The following PHACTR1 variants were observed in gnomAD, a reference collection of about 807,000 sequenced individuals.
PHACTR1 encodes phosphatase and actin regulator 1.
A neutral mutation model predicts 69.2 loss-of-function variants in PHACTR1; 16 were observed. That is an observed-to-expected ratio of 0.23 (90% CI 0.16 to 0.35). The LOEUF is 0.35. Among genes scored for constraint, PHACTR1 ranks in the 10% least tolerant of loss-of-function variants. The probability of loss-of-function intolerance (pLI) is 1.00; values close to 1 mark genes in which losing one functional copy is unlikely to be tolerated. For synonymous variants in PHACTR1, 312 were observed against 284.5 expected (o/e 1.10, Z -0.97); for missense variants, 510 against 734.7 (o/e 0.69, Z 3.54).
intron 5 of PHACTR1, among the ~76,000 whole-genome samples, chr6:13,118,184 C>T (rs983153506): frequency 5.3e-5 from 8 of 152,202 alleles, no homozygotes; most frequent in Admixed American, 1.3e-4. Context: ...CTTCCTCCAC[C>T]GTTCCTGCCA....
intron 10 of PHACTR1, among the ~76,000 whole-genome samples, chr6:13,253,798 T>C (rs915494611): frequency 6.6e-6 from 1 of 152,228 alleles, no homozygotes; most frequent in Non-Finnish European, 1.5e-5. Context: ...GACGTGGACA[T>C]CTGTGCCTCC....
At chr6:13,149,100 A>T (rs909642061) in intron 5 of PHACTR1, among the ~76,000 whole-genome samples, 3 of 146,062 alleles carry the variant, frequency 2.1e-5, no homozygotes, top group African/African-American at 7.5e-5. Flanking sequence ...TTGATGAAAG[A>T]GCACGGCCCC....
chr6:13,009,929 G>A (rs1799251913), intron 4 of PHACTR1, among the ~76,000 whole-genome samples: 1 of 149,172 alleles, frequency 6.7e-6, no homozygotes, highest in African/African-American at 2.5e-5. Context: ...CTTTCTCAGG[G>A]GACTCCTCCT....
chr6:13,111,037 A>G (rs958660831), intron 5 of PHACTR1, among the ~76,000 whole-genome samples: 1 of 152,144 alleles, frequency 6.6e-6, no homozygotes, highest in Non-Finnish European at 1.5e-5. Context: ...ATATACCACA[A>G]TTTACATAAG....
intron 5 of PHACTR1, among the ~76,000 whole-genome samples, chr6:13,134,261 C>T (rs927927483): frequency 6.6e-6 from 1 of 152,160 alleles, no homozygotes; most frequent in Non-Finnish European, 1.5e-5. Flanking sequence ...TGGGGGGCGC[C>T]TCTGCCCGGC....
chr6:13,059,355 A>ATAAG (rs1276224841), intron 5 of PHACTR1, among the ~76,000 whole-genome samples: 4 of 152,150 alleles, frequency 2.6e-5, no homozygotes, highest in African/African-American at 9.7e-5. Context: ...TGCAAGATGA[A>ATAAG]TAAGTTCTAG....
chr6:13,031,644 G>A (rs1225934460), intron 4 of PHACTR1, among the ~76,000 whole-genome samples: 1 of 152,156 alleles, frequency 6.6e-6, no homozygotes, highest in Non-Finnish European at 1.5e-5. Context: ...TGTTCTACCT[G>A]TCTAGCAGGA....
At chr6:13,077,751 C>T (rs1810754850) in intron 5 of PHACTR1, among the ~76,000 whole-genome samples, 1 of 152,002 alleles carries the variant, frequency 6.6e-6, no homozygotes, top group Admixed American at 6.6e-5. Context: ...TCGTAGCAGT[C>T]TAGGCAAGAG....
intron 5 of PHACTR1, among the ~76,000 whole-genome samples, chr6:13,092,765 A>G (rs1222096068): frequency 6.6e-6 from 1 of 152,224 alleles, no homozygotes; most frequent in South Asian, 2.1e-4. Flanking sequence ...GGAGTAAAAA[A>G]GCAGAAGGGA....
chr6:12,717,748 G>C lies in PHACTR1; in HGVS notation c.-47+5G>C, dbSNP rs1761571651. ...CTTTGATTTTTATTTTTTGCAGTAA[G>C]TATATTTGCTATTGGGGTACCTTTG... On this transcript the variant is annotated splice_donor_5th_base_variant and intron_variant, in intron 2 of 14. Coordinates refer to ENST00000332995, the MANE Select transcript of PHACTR1 (RefSeq NM_030948.6). The C allele has an allele frequency of 6.6e-6, 1 of 152,128 alleles. No homozygotes were observed. Among genetic ancestry groups the C allele is most frequent in the Non-Finnish European group, 1.5e-5 (1 of 68,038 alleles). 9.4% of individuals were successfully genotyped at this position (152,128 alleles called of 1,614,324 possible). A position where few individuals can be genotyped will look rare whatever the true frequency, so the allele number is the denominator to read the frequency against.
At chr6:12,886,280 G>GA (rs1783630370) in intron 4 of PHACTR1, among the ~76,000 whole-genome samples, 1 of 147,988 alleles carries the variant, frequency 6.8e-6, no homozygotes, top group Non-Finnish European at 1.5e-5. Context: ...GGCAACTTAA[G>GA]AAAAAACATT....
chr6:12,934,053 G>T (rs1789178221), intron 4 of PHACTR1: 3 of 1,387,778 alleles, frequency 2.2e-6, no homozygotes, highest in Admixed American at 5.4e-5. Context: ...CCAAATCAAG[G>T]TGTTGGTGGG....
rs546930380 is a variant in PHACTR1 at position 13,007,194 on chromosome 6, A to T, written c.251-46171A>T. Among the ~76,000 whole-genome samples the T allele has an allele frequency of 2.6e-5, 4 of 152,134 alleles. No homozygotes were observed. The South Asian group carries it at 6.2e-4, about 24-fold the overall frequency. ...TATTGCTTGACTTCCCAGCTGCTTT[A>T]TTTTATTTTATTGTAATGTAAACAC... On this transcript the variant is annotated intron_variant, in intron 4 of 14. Transcript: ENST00000332995.
At chr6:13,085,986 A>G (rs1271980943) in intron 5 of PHACTR1, among the ~76,000 whole-genome samples, 1 of 151,356 alleles carries the variant, frequency 6.6e-6, no homozygotes, top group African/African-American at 2.4e-5. Context: ...AAAAAATAAG[A>G]TCCATAAAGC....
intron 4 of PHACTR1, among the ~76,000 whole-genome samples, chr6:12,999,640 A>G (rs899240904): frequency 6.6e-6 from 1 of 152,196 alleles, no homozygotes; most frequent in Non-Finnish European, 1.5e-5. Context: ...TTAAATATAG[A>G]ATGTTACAAA....
intron 4 of PHACTR1, chr6:12,933,846 G>A (rs1413633532): frequency 1.2e-6 from 2 of 1,612,776 alleles, no homozygotes; most frequent in Non-Finnish European, 1.7e-6. Context: ...GGAGCTAAGA[G>A]AAGGAGGGTG....
At chr6:12,900,300 C>T (rs1178135510) in intron 4 of PHACTR1, among the ~76,000 whole-genome samples, 4 of 151,148 alleles carry the variant, frequency 2.6e-5, no homozygotes, top group Non-Finnish European at 5.9e-5. Flanking sequence ...TTTTTCGAAG[C>T]GGATACCTTT....
At chr6:12,994,725 A>G (rs2127612176) in intron 4 of PHACTR1, among the ~76,000 whole-genome samples, 1 of 152,268 alleles carries the variant, frequency 6.6e-6, no homozygotes, top group East Asian at 1.9e-4. Flanking sequence ...GAATTAAGAG[A>G]GTATTATAAG....
intron 10 of PHACTR1, among the ~76,000 whole-genome samples, chr6:13,257,018 C>T (rs1775279055): frequency 6.6e-6 from 1 of 152,170 alleles, no homozygotes; most frequent in Non-Finnish European, 1.5e-5. Context: ...CAAAGAAATA[C>T]CTGAGACTGG....
Sources: gnomAD v4.1 joint callset for allele counts (sites outside exome capture counted in the v4.1 genomes callset) on GRCh38, gnomAD v4.1.1 for gene constraint, MANE v1.5 for transcripts, NCBI Gene and HGNC (gene_info 2026-07-23, HGNC 2026-07-21) for gene names.